The following BBS9 variants were observed in gnomAD, a reference collection of about 807,000 sequenced individuals.
BBS9 encodes the protein Bardet-Biedl syndrome 9, also known as protein PTHB1.
BBS9 carries 89 observed loss-of-function variants against 117.7 expected under a neutral mutation model. The ratio of observed to expected loss-of-function variants is 0.76; its 90% confidence interval spans 0.64 to 0.90. BBS9 has a LOEUF of 0.90. Among genes scored for constraint, BBS9 ranks in the 40% least tolerant of loss-of-function variants. The probability of loss-of-function intolerance (pLI) is 0.00; values close to 1 mark genes in which losing one functional copy is unlikely to be tolerated. For missense variants in BBS9, 982 were observed against 1,042.2 expected, an observed-to-expected ratio of 0.94 and a Z score of 0.80; for synonymous variants, 379 against 370.9, an observed-to-expected ratio of 1.02 and a Z score of -0.25.
intron 19 of BBS9, among the ~76,000 whole-genome samples, chr7:33,435,021 C>G (rs1033523437): frequency 1.3e-5 from 2 of 152,084 alleles, no homozygotes; most frequent in Non-Finnish European, 2.9e-5. Flanking sequence ...TTTATAAAGA[C>G]TACATAAAAT....
intron 4 of BBS9, among the ~76,000 whole-genome samples, chr7:33,168,163 T>G (rs993189288): frequency 1.3e-5 from 2 of 152,204 alleles, no homozygotes; most frequent in African/African-American, 4.8e-5. Flanking sequence ...TCAGGTGCCC[T>G]CTGTAGCATC....
chr7:33,428,023 C>T (rs1406455481), intron 19 of BBS9, among the ~76,000 whole-genome samples: 2 of 152,154 alleles, frequency 1.3e-5, no homozygotes, highest in African/African-American at 4.8e-5. Flanking sequence ...CTCTGTTCCC[C>T]TCCACCGTCT....
chr7:33,464,816 C>T (rs1311292218), intron 19 of BBS9, among the ~76,000 whole-genome samples: 1 of 151,414 alleles, frequency 6.6e-6, no homozygotes, highest in African/African-American at 2.4e-5. Flanking sequence ...GACTTAGAAA[C>T]ACTTCCTTTT....
At chr7:33,372,137 C>T (rs1236923047) in intron 17 of BBS9, among the ~76,000 whole-genome samples, 1 of 152,048 alleles carries the variant, frequency 6.6e-6, no homozygotes, top group Admixed American at 6.6e-5. Context: ...AGGTAGTGGT[C>T]AGAGAATGGA....
chr7:33,463,084 A>C (rs12666395), intron 19 of BBS9, among the ~76,000 whole-genome samples: 6,861 of 151,980 alleles, frequency 0.045, 204 homozygotes, highest in East Asian at 0.15. Flanking sequence ...AAAGTAATAG[A>C]CCTGTAGTTT....
intron 4 of BBS9, among the ~76,000 whole-genome samples, chr7:33,166,533 G>A (rs910288797): frequency 6.6e-6 from 1 of 152,254 alleles, no homozygotes; most frequent in African/African-American, 2.4e-5. Flanking sequence ...GCTTCCTCCA[G>A]CCGCTTTGTT....
chr7:33,146,438 C>A, intron 2 of BBS9, 74 bp downstream of exon 2: 1 of 1,208,738 alleles, frequency 8.3e-7, no homozygotes, highest in Non-Finnish European at 1.2e-6. Flanking sequence ...CGGTGGCCGA[C>A]TGCTGTAATC....
At chr7:33,611,678 C>A (rs1864877870) in intron 21 of BBS9, among the ~76,000 whole-genome samples, 2 of 129,990 alleles carry the variant, frequency 1.5e-5, no homozygotes, top group Non-Finnish European at 1.6e-5. Flanking sequence ...ATATTTAATC[C>A]TTAATTAATA....
At chr7:33,614,856 C>G (rs1865053454) in intron 21 of BBS9, among the ~76,000 whole-genome samples, 1 of 152,010 alleles carries the variant, frequency 6.6e-6, no homozygotes, top group South Asian at 2.1e-4. Flanking sequence ...TTGAAATATG[C>G]CAGAGCATCC....
chr7:33,444,120 A>G (rs1836631657), intron 19 of BBS9, among the ~76,000 whole-genome samples: 1 of 152,158 alleles, frequency 6.6e-6, no homozygotes, highest in Admixed American at 6.5e-5. Context: ...TTGGGTCAGG[A>G]TATGACCTTG....
chr7:33,495,139 A>G (rs901381566), intron 19 of BBS9, among the ~76,000 whole-genome samples: 1 of 152,236 alleles, frequency 6.6e-6, no homozygotes, highest in Admixed American at 6.5e-5. Context: ...ATTTCACTCT[A>G]TTGTGAAAAT....
rs192091534 is a variant in BBS9 at position 33,301,702 on chromosome 7, A to G, written c.1016+27746A>G. Among the ~76,000 whole-genome samples the G allele has an allele frequency of 5.3e-5, 8 of 152,250 alleles. No individual in the cohort carries two copies. The East Asian group carries it at 1.2e-3, about 22-fold the overall frequency. On this transcript the variant is annotated intron_variant, in intron 9 of 22. Coordinates refer to ENST00000242067, the MANE Select transcript of BBS9 (RefSeq NM_198428.3). Reference sequence around the variant, plus strand: ...TTGATGGACACTTAGTTTGCTTCCAAACTTTGGCTATTGTGAATAGTGCTG... The same window carrying G: ...TTGATGGACACTTAGTTTGCTTCCAGACTTTGGCTATTGTGAATAGTGCTG...
At chr7:33,549,524 C>T (rs1297604901) in intron 21 of BBS9, among the ~76,000 whole-genome samples, 2 of 150,690 alleles carry the variant, frequency 1.3e-5, no homozygotes, top group African/African-American at 2.5e-5. Context: ...TCGCAAGCTA[C>T]TCATCTGACA....
chr7:33,606,238 T>C (rs573643562), downstream of BBS9, among the ~76,000 whole-genome samples: 1 of 152,192 alleles, frequency 6.6e-6, no homozygotes, highest in Non-Finnish European at 1.5e-5. Context: ...AGCCATGATA[T>C]GAGCATAAAA....
At chr7:33,239,569 C>G (rs916660458) in intron 5 of BBS9, among the ~76,000 whole-genome samples, 1 of 152,058 alleles carries the variant, frequency 6.6e-6, no homozygotes, top group African/African-American at 2.4e-5. Context: ...GCCACCATGC[C>G]CCAACTTTGC....
intron 5 of BBS9, among the ~76,000 whole-genome samples, chr7:33,192,166 T>A (rs1784224349): frequency 6.6e-6 from 1 of 152,200 alleles, no homozygotes; most frequent in African/African-American, 2.4e-5. Flanking sequence ...TGCTGTATAA[T>A]GGAATGCAAG....
chr7:33,578,630 A>G (rs1275339689), intron 21 of BBS9, among the ~76,000 whole-genome samples: 4 of 152,188 alleles, frequency 2.6e-5, no homozygotes, highest in Admixed American at 2.0e-4. Context: ...GTTACCACTC[A>G]CCTAGCATAA....
intron 19 of BBS9, among the ~76,000 whole-genome samples, chr7:33,397,069 C>T (rs73313195): frequency 0.12 from 17,867 of 152,106 alleles, 1,143 homozygotes; most frequent in African/African-American, 0.17. Context: ...TATTTGCAGT[C>T]TCTCCATCTG....
At chr7:33,290,290 G>A (rs1803763313) in intron 9 of BBS9, among the ~76,000 whole-genome samples, 1 of 152,162 alleles carries the variant, frequency 6.6e-6, no homozygotes, top group Non-Finnish European at 1.5e-5. Context: ...GCAGCATGGG[G>A]CTGGTGTGTG....
Sources: gnomAD v4.1 joint callset for allele counts (sites outside exome capture counted in the v4.1 genomes callset) on GRCh38, gnomAD v4.1.1 for gene constraint, MANE v1.5 for transcripts, NCBI Gene and HGNC (gene_info 2026-07-23, HGNC 2026-07-21) for gene names.